The following PDE4D variants were observed in gnomAD, a reference collection of about 807,000 sequenced individuals.
The protein encoded by PDE4D is phosphodiesterase 4D.
A neutral mutation model predicts 87.4 loss-of-function variants in PDE4D; 24 were observed. The observed-to-expected ratio is 0.27, with a 90% CI of 0.20 to 0.39. The LOEUF is 0.39. Among genes scored for constraint, PDE4D ranks in the 10% least tolerant of loss-of-function variants. PDE4D has a pLI of 1.00. For synonymous variants in PDE4D, 384 were observed against 383.2 expected, an observed-to-expected ratio of 1.00 and a Z score of -0.02; for missense variants, 714 against 1,041.0, an observed-to-expected ratio of 0.69 and a Z score of 4.32.
intron 1 of PDE4D, among the ~76,000 whole-genome samples, chr5:59,771,531 A>AAAGG (rs1763564037): frequency 6.8e-6 from 1 of 147,760 alleles, no homozygotes; most frequent in African/African-American, 2.6e-5. Context: ...AGAAAGAAAG[A>AAAGG]AAGAAAGAAA....
intron 1 of PDE4D, among the ~76,000 whole-genome samples, chr5:59,699,138 C>A (rs1752217775): frequency 6.6e-6 from 1 of 152,076 alleles, no homozygotes; most frequent in Admixed American, 6.6e-5. Context: ...TGATCTACAG[C>A]TGGGGAAATG....
chr5:59,551,766 T>C (rs752061972), intron 1 of PDE4D, among the ~76,000 whole-genome samples: 8 of 152,290 alleles, frequency 5.3e-5, no homozygotes, highest in Admixed American at 6.5e-5. Flanking sequence ...GTGATTGGAA[T>C]TGCCTATAGT....
At chr5:60,304,651 C>CAAAAAAAAAAAAAAAAAA (rs70975379) in intron 1 of PDE4D, among the ~76,000 whole-genome samples, 10 of 60,058 alleles carry the variant, frequency 1.7e-4, no homozygotes, top group African/African-American at 7.8e-4. Flanking sequence ...GACTCCGTCT[C>CAAAAAAAAAAAAAAAAAA]AAAAAAAAAA....
chr5:59,951,143 A>G (rs970529308), intron 3 of PDE4D, among the ~76,000 whole-genome samples: 1 of 152,128 alleles, frequency 6.6e-6, no homozygotes, highest in East Asian at 1.9e-4. Context: ...TTTGTGATAG[A>G]TATTGATAGT....
At chr5:59,234,664 T>C (rs1460948924) in intron 1 of PDE4D, among the ~76,000 whole-genome samples, 1 of 152,208 alleles carries the variant, frequency 6.6e-6, no homozygotes, top group Non-Finnish European at 1.5e-5. Flanking sequence ...TAATGTTAAA[T>C]GTAGTTACTT....
intron 1 of PDE4D, among the ~76,000 whole-genome samples, chr5:59,639,704 A>G (rs12152938): frequency 0.21 from 31,966 of 152,094 alleles, 3,707 homozygotes; most frequent in South Asian, 0.27. Flanking sequence ...CAGTGGAAAT[A>G]TATAGCATTC....
chr5:60,153,502 T>C (rs1459240974), intron 2 of PDE4D, among the ~76,000 whole-genome samples: 3 of 152,190 alleles, frequency 2.0e-5, no homozygotes, highest in African/African-American at 7.2e-5. Context: ...CCATATGATC[T>C]GGAATTTCTA....
intron 1 of PDE4D, among the ~76,000 whole-genome samples, chr5:60,253,033 A>G (rs1748646451): frequency 6.6e-6 from 1 of 151,864 alleles, no homozygotes; most frequent in South Asian, 2.1e-4. Flanking sequence ...TGAAGAAACA[A>G]TTTACCAGCA....
At chr5:59,087,823 T>C (rs1455843962) in intron 5 of PDE4D, among the ~76,000 whole-genome samples, 1 of 152,166 alleles carries the variant, frequency 6.6e-6, no homozygotes, top group African/African-American at 2.4e-5. Context: ...CTTACTCATC[T>C]TTCCTTTCTA....
chr5:59,260,945 A>G (rs1761897230), intron 1 of PDE4D, among the ~76,000 whole-genome samples: 1 of 151,616 alleles, frequency 6.6e-6, no homozygotes, highest in South Asian at 2.1e-4. Context: ...ACCAAAAAAA[A>G]AAAAAAAGCA....
intron 1 of PDE4D, chr5:59,430,464 C>A (rs1795942548): frequency 8.2e-7 from 1 of 1,226,896 alleles, no homozygotes; most frequent in Non-Finnish European, 1.0e-6. Context: ...GTAGTCAGAC[C>A]AGCATTCCTG....
At chr5:59,252,609 CCT>C (rs941497080) in intron 1 of PDE4D, among the ~76,000 whole-genome samples, 8 of 152,152 alleles carry the variant, frequency 5.3e-5, no homozygotes, top group South Asian at 4.2e-4. Context: ...GCAGCCTTGA[CCT>C]CCCAGTCTCA....
chr5:58,994,122 T>C (rs1748596374), intron 6 of PDE4D, among the ~76,000 whole-genome samples: 3 of 152,218 alleles, frequency 2.0e-5, no homozygotes, highest in Admixed American at 1.3e-4. Flanking sequence ...AAAGTTGTTT[T>C]TCAAGTAAGA....
intron 2 of PDE4D, among the ~76,000 whole-genome samples, chr5:60,029,195 T>C (rs938804713): frequency 6.6e-6 from 1 of 152,150 alleles, no homozygotes; most frequent in Non-Finnish European, 1.5e-5. Context: ...ACTCAAATCA[T>C]GTACCTTATA....
At chr5:60,359,754 C>G (rs891721969) in intron 1 of PDE4D, among the ~76,000 whole-genome samples, 1 of 152,192 alleles carries the variant, frequency 6.6e-6, no homozygotes, top group East Asian at 1.9e-4. Flanking sequence ...TGCACACTAT[C>G]TGTGCATTAT....
At chr5:59,075,015 A>G (rs937814746) in intron 5 of PDE4D, among the ~76,000 whole-genome samples, 1 of 151,362 alleles carries the variant, frequency 6.6e-6, no homozygotes, top group African/African-American at 2.4e-5. Flanking sequence ...TGGAGTTTCA[A>G]TTCTAATTTG....
chr5:59,655,208 G>A (rs368226062), intron 1 of PDE4D, among the ~76,000 whole-genome samples: 26 of 151,474 alleles, frequency 1.7e-4, no homozygotes, highest in East Asian at 5.8e-4. Context: ...TTCAGTTTGC[G>A]GCCACACATC....
At chr5:59,314,017 T>C (rs1773198913) in intron 1 of PDE4D, 1 of 152,202 alleles carries the variant, frequency 6.6e-6, no homozygotes, top group African/African-American at 2.4e-5. Flanking sequence ...AAATTATAAG[T>C]AATGCCTTCT....
intron 1 of PDE4D, among the ~76,000 whole-genome samples, chr5:59,684,813 C>T (rs189067222): frequency 6.6e-6 from 1 of 152,324 alleles, no homozygotes; most frequent in East Asian, 1.9e-4. Context: ...AACAGGATTC[C>T]TCTGATGGCT....
Sources: allele counts gnomAD v4.1 joint callset (sites outside exome capture counted in the v4.1 genomes callset), GRCh38; gene constraint gnomAD v4.1.1; transcripts MANE v1.5; gene names NCBI Gene and HGNC (gene_info 2026-07-23, HGNC 2026-07-21).